DLGAP1: variants seen among roughly 807,000 people sequenced by gnomAD.
DLGAP1 encodes the protein DLG associated protein 1.
Under a neutral mutation model 90.8 loss-of-function variants are expected in DLGAP1, and 11 were observed. The ratio of observed to expected loss-of-function variants is 0.12; its 90% confidence interval spans 0.08 to 0.20. DLGAP1 has a LOEUF of 0.20. DLGAP1 is among the 10% of genes least tolerant of loss of function. The probability of loss-of-function intolerance (pLI) is 1.00; values close to 1 mark genes in which losing one functional copy is unlikely to be tolerated. For missense variants in DLGAP1, 1,050 were observed against 1,333.8 expected, an observed-to-expected ratio of 0.79 and a Z score of 3.31; for synonymous variants, 558 against 540.7, an observed-to-expected ratio of 1.03 and a Z score of -0.44.
intron 10 of DLGAP1, among the ~76,000 whole-genome samples, chr18:3,533,375 G>C (rs560084621): frequency 1.3e-5 from 2 of 152,206 alleles, no homozygotes; most frequent in Non-Finnish European, 2.9e-5. Flanking sequence ...TTCTTTGGCA[G>C]CTAAAGGGTT....
intron 7 of DLGAP1, among the ~76,000 whole-genome samples, chr18:3,645,359 A>G (rs2059082768): frequency 6.9e-6 from 1 of 144,772 alleles, no homozygotes; most frequent in East Asian, 1.9e-4. Context: ...TTTAATACAG[A>G]AAATGAAAAT....
At chr18:3,825,494 T>A (rs972946151) in intron 4 of DLGAP1, among the ~76,000 whole-genome samples, 1 of 152,250 alleles carries the variant, frequency 6.6e-6, no homozygotes, top group Non-Finnish European at 1.5e-5. Context: ...ATACAATGCC[T>A]GCACATCACT....
chr18:3,931,934 G>A (rs988281), intron 3 of DLGAP1, among the ~76,000 whole-genome samples: 89,353 of 151,912 alleles, frequency 0.59, 26,385 homozygotes, highest in Non-Finnish European at 0.63. Context: ...AAGGTTGATG[G>A]ATCTACAGTG....
At chr18:4,153,547 C>A (rs2076708406) in intron 1 of DLGAP1, among the ~76,000 whole-genome samples, 1 of 151,928 alleles carries the variant, frequency 6.6e-6, no homozygotes, top group Non-Finnish European at 1.5e-5. Flanking sequence ...TTTTTAACCA[C>A]CACATAATCA....
chr18:3,970,726 G>A (rs2073429509), intron 3 of DLGAP1, among the ~76,000 whole-genome samples: 1 of 152,116 alleles, frequency 6.6e-6, no homozygotes, highest in Non-Finnish European at 1.5e-5. Flanking sequence ...TGAAGGATAT[G>A]TTATTACTAA....
intron 5 of DLGAP1, among the ~76,000 whole-genome samples, chr18:3,797,581 CAAAA>C (rs904599533): frequency 3.3e-5 from 5 of 152,028 alleles, no homozygotes; most frequent in South Asian, 2.1e-4. Context: ...TGAATAATAA[CAAAA>C]GAAAGAAAGC....
chr18:4,244,501 G>A (rs1383931071), intron 1 of DLGAP1, among the ~76,000 whole-genome samples: 4 of 152,124 alleles, frequency 2.6e-5, no homozygotes, highest in Non-Finnish European at 5.9e-5. Flanking sequence ...ATCTTTTGGA[G>A]TAAATACTGC....
chr18:3,565,626 G>A lies in DLGAP1; in HGVS notation c.2057+1864C>T, dbSNP rs776109223. On this transcript the variant is annotated intron_variant, in intron 9 of 12. Coordinates refer to ENST00000315677, the MANE Select transcript of DLGAP1 (RefSeq NM_004746.4). The surrounding 1 kb of genome is among the most constrained non-coding windows in gnomAD (Gnocchi z 4.0). Reference sequence around the variant, plus strand: ...CAAGGCGGGTGGATCACAAGGTCAAGATGATCGAAACCATCCTGGCCAACA... The same window carrying A: ...CAAGGCGGGTGGATCACAAGGTCAAAATGATCGAAACCATCCTGGCCAACA... Among the ~76,000 whole-genome samples the A allele has an allele frequency of 4.6e-5, 7 of 151,716 alleles. No homozygotes were observed. The highest frequency in any genetic ancestry group is 1.3e-4 in the Admixed American group (2 of 15,224).
At position 4,088,226 on chromosome 18, in the gene DLGAP1, A is replaced by G. The variant is rs149341610; in HGVS notation, c.-159+62954T>C. On this transcript the variant is annotated intron_variant, in intron 2 of 12. Coordinates refer to ENST00000315677, the MANE Select transcript of DLGAP1 (RefSeq NM_004746.4). ...CTTGAATAATTTTATTCTGCTTTATATATAAGGTAGGAGTCTCACACCAAT... is the reference window on the plus strand; with the variant it reads ...CTTGAATAATTTTATTCTGCTTTATGTATAAGGTAGGAGTCTCACACCAAT... Among the ~76,000 whole-genome samples the G allele has an allele frequency of 3.8e-3, 584 of 152,116 alleles. 3 individuals carry two copies. Among genetic ancestry groups the G allele is most frequent in the African/African-American group, 0.013 (544 of 41,482 alleles).
chr18:4,150,055 A>C (rs2076648617), intron 2 of DLGAP1, among the ~76,000 whole-genome samples: 1 of 152,166 alleles, frequency 6.6e-6, no homozygotes, highest in Non-Finnish European at 1.5e-5. Context: ...GGAGGAACCA[A>C]GTTCCCATTG....
intron 1 of DLGAP1, among the ~76,000 whole-genome samples, chr18:4,291,664 A>G (rs2079852913): frequency 1.3e-5 from 2 of 152,142 alleles, no homozygotes; most frequent in Non-Finnish European, 2.9e-5. Context: ...AGCTACCATG[A>G]GAAATAAGAT....
At position 4,342,883 on chromosome 18, in the gene DLGAP1, T is replaced by C. The variant is rs897021209; in HGVS notation, c.-267+112123A>G. 1.3e-5 allele frequency among the ~76,000 whole-genome samples: 2 copies of C among 152,186 alleles called. No individual in the cohort carries two copies. The highest frequency in any genetic ancestry group is 1.5e-5 in the Non-Finnish European group (1 of 68,026). ...TTATTAACAACCCTAGTAAATAGCT[T>C]TGCATAAACAATATCAGATCTGAAT... is the stretch of plus-strand genomic sequence containing the variant. On this transcript the variant is annotated intron_variant, in intron 1 of 12. Coordinates refer to ENST00000315677, the MANE Select transcript of DLGAP1 (RefSeq NM_004746.4). This position sits in a 1 kb window ranked among gnomAD's most constrained non-coding sequence, Gnocchi z 5.8.
intron 1 of DLGAP1, among the ~76,000 whole-genome samples, chr18:4,297,501 A>T (rs1218307504): frequency 1.3e-5 from 2 of 152,202 alleles, no homozygotes. Flanking sequence ...CTCTATACTT[A>T]TTGTTGGGAA....
At chr18:4,135,442 T>C (rs2076384159) in intron 2 of DLGAP1, among the ~76,000 whole-genome samples, 1 of 152,236 alleles carries the variant, frequency 6.6e-6, no homozygotes, top group Non-Finnish European at 1.5e-5. Context: ...ATTCAGACTA[T>C]GTAATTCTTG....
chr18:4,208,122 A>G (rs2077758877), intron 1 of DLGAP1, among the ~76,000 whole-genome samples: 1 of 152,224 alleles, frequency 6.6e-6, no homozygotes, highest in Non-Finnish European at 1.5e-5. Flanking sequence ...AAATTGCTCT[A>G]TTCTTGATAC....
chr18:4,104,501 AT>A, intron 2 of DLGAP1, among the ~76,000 whole-genome samples: 1 of 151,900 alleles, frequency 6.6e-6, no homozygotes. Context: ...CTTGCCAAGG[AT>A]TTGTCAATTT....
intron 1 of DLGAP1, among the ~76,000 whole-genome samples, chr18:4,268,574 T>A (rs2079183552): frequency 6.6e-6 from 1 of 152,214 alleles, no homozygotes. Context: ...AACAGCAGGG[T>A]TTGTGGGTTA....
intron 1 of DLGAP1, among the ~76,000 whole-genome samples, chr18:4,197,654 T>C (rs994865484): frequency 8.6e-5 from 13 of 151,766 alleles, no homozygotes; most frequent in Non-Finnish European, 8.8e-5. Context: ...CAAAAGAGAG[T>C]AGGGACAGGT....
At chr18:3,920,538 C>G (rs1275673173) in intron 3 of DLGAP1, among the ~76,000 whole-genome samples, 3 of 152,036 alleles carry the variant, frequency 2.0e-5, no homozygotes, top group Non-Finnish European at 4.4e-5. Context: ...ATATTCAGTA[C>G]GTCTATCTTC....
Sources: gnomAD v4.1 joint callset for allele counts (sites outside exome capture counted in the v4.1 genomes callset) on GRCh38, gnomAD v4.1.1 for gene constraint, Gnocchi (gnomAD v3.1) non-coding constraint, MANE v1.5 for transcripts, NCBI Gene and HGNC (gene_info 2026-07-23, HGNC 2026-07-21) for gene names.